HSD11B1: variants seen among roughly 807,000 people sequenced by gnomAD.
The protein encoded by HSD11B1 is hydroxysteroid 11-beta dehydrogenase 1, also known as 11-beta-hydroxysteroid dehydrogenase 1.
Under a neutral mutation model 22.1 loss-of-function variants are expected in HSD11B1, and 15 were observed. That is an observed-to-expected ratio of 0.68 (90% confidence interval 0.45 to 1.04). HSD11B1 has a LOEUF of 1.04. Ranked by LOEUF, HSD11B1 falls within the 50% of genes least tolerant of loss-of-function variation. HSD11B1 has a pLI of 0.00. For synonymous variants in HSD11B1, 122 were observed against 125.2 expected, an observed-to-expected ratio of 0.97 and a Z score of 0.17; for missense variants, 281 against 357.6, an observed-to-expected ratio of 0.79 and a Z score of 1.73.
intron 1 of HSD11B1, among the ~76,000 whole-genome samples, chr1:209,693,583 T>C (rs904508490): frequency 1.4e-4 from 21 of 152,256 alleles, no homozygotes; most frequent in Non-Finnish European, 1.0e-4. Context: ...CCATGTGCCA[T>C]ATCATCTGGA....
chr1:209,732,440 A>G lies in HSD11B1; in HGVS notation c.522A>G (p.Lys174=). ...TTTCTTTAATCTGTCATTTAGGGAA[A>G]GTGGCTTATCCAATGGTTGCTGCCT... ...SIVVVSSLAG[K]VAYPMVAAYS... Residue 174 remains lysine (K), a synonymous_variant, in exon 5 of 6, where the codon AAA becomes AAG. Coordinates refer to ENST00000367027, the MANE Select transcript of HSD11B1 (RefSeq NM_005525.4). 6.2e-7 allele frequency: 1 copy of G among 1,614,118 alleles called. No individual in the cohort carries two copies. Among genetic ancestry groups the G allele is most frequent in the Non-Finnish European group, 8.5e-7 (1 of 1,180,000 alleles).
chr1:209,692,313 A>T (rs2076764747), intron 1 of HSD11B1, among the ~76,000 whole-genome samples: 1 of 152,146 alleles, frequency 6.6e-6, no homozygotes, highest in South Asian at 2.1e-4. Flanking sequence ...AAAGTGGTAA[A>T]AACAGGTTTT....
intron 4 of HSD11B1, among the ~76,000 whole-genome samples, chr1:209,732,049 A>G (rs1160134716): frequency 5.3e-5 from 8 of 152,208 alleles, no homozygotes; most frequent in Non-Finnish European, 1.2e-4. Flanking sequence ...AAAGTAAAAC[A>G]TACCCTTTCC....
chr1:209,697,622 T>C (rs935173591), intron 1 of HSD11B1, among the ~76,000 whole-genome samples: 9 of 152,210 alleles, frequency 5.9e-5, no homozygotes, highest in African/African-American at 2.2e-4. Context: ...TAGTAGATGA[T>C]TCCTCCACCC....
chr1:209,726,440 A>C (rs1306962974), intron 4 of HSD11B1, among the ~76,000 whole-genome samples: 4 of 151,952 alleles, frequency 2.6e-5, no homozygotes, highest in Non-Finnish European at 5.9e-5. Context: ...TTGTCTCTAC[A>C]AAAAATTAAA....
chr1:209,709,003 C>T (rs146292577), intron 4 of HSD11B1, among the ~76,000 whole-genome samples: 254 of 152,236 alleles, frequency 1.7e-3, no homozygotes, highest in African/African-American at 5.9e-3. Context: ...GCTGTCTTGC[C>T]GCAACTGAAG....
At chr1:209,730,461 C>T (rs1344190735) in intron 4 of HSD11B1, among the ~76,000 whole-genome samples, 2 of 152,184 alleles carry the variant, frequency 1.3e-5, no homozygotes, top group Non-Finnish European at 2.9e-5. Context: ...AATATCTTTC[C>T]TAGAAACCTC....
chr1:209,699,080 T>A (rs1050101357), intron 1 of HSD11B1, among the ~76,000 whole-genome samples: 3 of 152,136 alleles, frequency 2.0e-5, no homozygotes, highest in Admixed American at 6.5e-5. Context: ...TCTCCCCTCG[T>A]TAGACACACA....
At chr1:209,689,623 C>G (rs1241571432) in intron 1 of HSD11B1, among the ~76,000 whole-genome samples, 1 of 152,088 alleles carries the variant, frequency 6.6e-6, no homozygotes, top group Admixed American at 6.5e-5. Context: ...TCTATGAGTT[C>G]CTGCAAGAAC....
intron 4 of HSD11B1, among the ~76,000 whole-genome samples, chr1:209,713,434 A>G (rs1283556630): frequency 6.6e-6 from 1 of 152,218 alleles, no homozygotes; most frequent in Non-Finnish European, 1.5e-5. Flanking sequence ...AAACATTTCA[A>G]TAAGTTGTTG....
At chr1:209,715,084 T>C (rs2076922161) in intron 4 of HSD11B1, among the ~76,000 whole-genome samples, 1 of 152,092 alleles carries the variant, frequency 6.6e-6, no homozygotes. Context: ...TGTCAGAACC[T>C]AGGTGGGATG....
At chr1:209,731,051 C>A (rs759863690) in intron 4 of HSD11B1, among the ~76,000 whole-genome samples, 1 of 152,156 alleles carries the variant, frequency 6.6e-6, no homozygotes, top group Non-Finnish European at 1.5e-5. Flanking sequence ...GCCATCTTGC[C>A]AACATGAATA....
At chr1:209,691,885 G>A (rs370707062) in intron 1 of HSD11B1, among the ~76,000 whole-genome samples, 60 of 152,146 alleles carry the variant, frequency 3.9e-4, no homozygotes, top group African/African-American at 1.2e-3. Context: ...AAAGCACATC[G>A]TTTACAAATG....
At chr1:209,692,625 C>T (rs1332138136) in intron 1 of HSD11B1, among the ~76,000 whole-genome samples, 1 of 92,154 alleles carries the variant, frequency 1.1e-5, no homozygotes, top group African/African-American at 4.7e-5. Context: ...GGGGTGGGGG[C>T]TCGGTTCTTG....
At chr1:209,723,530 G>C (rs981722307) in intron 4 of HSD11B1, among the ~76,000 whole-genome samples, 1 of 152,104 alleles carries the variant, frequency 6.6e-6, no homozygotes, top group Middle Eastern at 3.2e-3. Context: ...CACTTTTCTG[G>C]TTACTCCAGG....
At chr1:209,725,190 C>T (rs1286507488) in intron 4 of HSD11B1, among the ~76,000 whole-genome samples, 2 of 152,180 alleles carry the variant, frequency 1.3e-5, no homozygotes, top group African/African-American at 4.8e-5. Context: ...CCCATACCAC[C>T]ATCAAAAATC....
chr1:209,726,346 T>TA (rs2077001745), intron 4 of HSD11B1, among the ~76,000 whole-genome samples: 3 of 148,758 alleles, frequency 2.0e-5, no homozygotes, highest in African/African-American at 7.5e-5. Context: ...CTCATGCCTA[T>TA]AATCCCAGTA....
chr1:209,715,422 AAC>A (rs2076924105), intron 4 of HSD11B1, among the ~76,000 whole-genome samples: 1 of 151,988 alleles, frequency 6.6e-6, no homozygotes. Context: ...TAAAAAAAAA[AAC>A]AACAACAACA....
chr1:209,718,798 T>C (rs540817868), intron 4 of HSD11B1, among the ~76,000 whole-genome samples: 4 of 151,880 alleles, frequency 2.6e-5, no homozygotes, highest in Non-Finnish European at 4.4e-5. Flanking sequence ...GGTGGGCAGA[T>C]TACCTGAGGT....
Sources: gnomAD v4.1 joint callset for allele counts (sites outside exome capture counted in the v4.1 genomes callset) on GRCh38, gnomAD v4.1.1 for gene constraint, MANE v1.5 for transcripts, NCBI Gene and HGNC (gene_info 2026-07-23, HGNC 2026-07-21) for gene names.